Variants in SYNE2 observed in about 807,000 individuals in gnomAD.
SYNE2 encodes the protein spectrin repeat containing nuclear envelope protein 2.
SYNE2 carries 431 observed loss-of-function variants against 856.3 expected under a neutral mutation model. That is an observed-to-expected ratio of 0.50 (90% CI 0.47 to 0.55). The LOEUF (loss-of-function observed/expected upper bound fraction) is 0.55. Among genes scored for constraint, SYNE2 ranks in the 20% least tolerant of loss-of-function variants. The pLI is 0.00. For synonymous variants in SYNE2, 2,923 were observed against 2,872.3 expected, an observed-to-expected ratio of 1.02 and a Z score of -0.56; for missense variants, 8,129 against 8,023.2, an observed-to-expected ratio of 1.01 and a Z score of -0.50.
chr14:63,800,137 T>C (rs891802833), intron 1 of SYNE2, among the ~76,000 whole-genome samples: 13 of 152,230 alleles, frequency 8.5e-5, no homozygotes, highest in African/African-American at 3.1e-4. Flanking sequence ...CTGTGACCTG[T>C]GTTATGTTTC....
At chr14:64,170,516 G>C in intron 94 of SYNE2, 54 bp downstream of exon 94, 1 of 1,506,566 alleles carries the variant, frequency 6.6e-7, no homozygotes, top group Middle Eastern at 1.7e-4. Flanking sequence ...TTGTTTGCAA[G>C]ATGTTCATTC....
Position 64,098,132 on chromosome 14 carries a change from G to A in SYNE2, c.12292G>A (p.Ala4098Thr), listed in dbSNP as rs2097692294. 6.2e-7 allele frequency: 1 copy of A among 1,614,050 alleles called. No homozygotes were observed. ...GGAAGGTGGAGTGGCAGAGAGGGAT[G>A]CTTCTGAGCGGAAGGTGGGTATGAC... is the stretch of plus-strand genomic sequence containing the variant. Reference protein sequence around the residue: ...SEEGGVAERDASERKLNRRGS... With the variant: ...SEEGGVAERDTSERKLNRRGS... The change falls in exon 62 of 116, where the codon GCT becomes ACT. Residue 4098 changes from alanine (A) to threonine (T), a missense_variant. By Grantham distance (58) the Ala-to-Thr change is moderately conservative. Coordinates refer to ENST00000555002, the MANE Select transcript of SYNE2 (RefSeq NM_182914.3).
chr14:64,135,458 G>C (rs2098079734), intron 78 of SYNE2, among the ~76,000 whole-genome samples: 1 of 149,898 alleles, frequency 6.7e-6, no homozygotes, highest in African/African-American at 2.4e-5. Context: ...ATTATATTGA[G>C]CCTAACTCTA....
chr14:64,157,692 C>T (rs947026038), intron 85 of SYNE2, among the ~76,000 whole-genome samples: 1 of 152,196 alleles, frequency 6.6e-6, no homozygotes, highest in African/African-American at 2.4e-5. Context: ...TTTTACATTC[C>T]CACCAGCAAT....
intron 57 of SYNE2, among the ~76,000 whole-genome samples, chr14:64,082,714 G>A (rs549872825): frequency 6.6e-6 from 1 of 152,318 alleles, no homozygotes; most frequent in Non-Finnish European, 1.5e-5. Context: ...CTTACCCTTG[G>A]ACACTGTGAG....
chr14:64,221,753 C>G, intron 112 of SYNE2, 49 bp downstream of exon 112: 1 of 1,603,774 alleles, frequency 6.2e-7, no homozygotes, highest in South Asian at 1.1e-5. Flanking sequence ...TCTGTCAGCC[C>G]CAGAGAGGCA....
intron 94 of SYNE2, among the ~76,000 whole-genome samples, chr14:64,172,022 T>C (rs908257378): frequency 6.6e-6 from 1 of 152,246 alleles, no homozygotes; most frequent in Admixed American, 6.5e-5. Flanking sequence ...AGCTAATTTT[T>C]GTGTTTTTAG....
intron 53 of SYNE2, chr14:64,075,689 G>T: frequency 2.3e-6 from 1 of 444,148 alleles, no homozygotes; most frequent in Admixed American, 3.6e-5. Flanking sequence ...AGAAGCAGGG[G>T]GTGTTGTAAT....
chr14:64,007,101 C>T lies in SYNE2; in HGVS notation c.4456C>T (p.His1486Tyr). The T allele has an allele frequency of 6.2e-7, 1 of 1,613,606 alleles. No homozygotes were observed. The highest frequency in any genetic ancestry group is 8.5e-7 in the Non-Finnish European group (1 of 1,179,610). Reference sequence around the variant, plus strand: ...AGATGAATATGAAGAAGAGAAGAGACATTTACAAGAAATGGCTAATTCTCT... The same window carrying T: ...AGATGAATATGAAGAAGAGAAGAGATATTTACAAGAAATGGCTAATTCTCT... ...VLDEYEEEKRHLQEMANSLPH... is the reference protein window; with the variant it reads ...VLDEYEEEKRYLQEMANSLPH... The change falls in exon 31 of 116, where the codon CAT (histidine) becomes TAT (tyrosine). Residue 1486 changes from histidine (H) to tyrosine (Y), a missense_variant. Physicochemically the swap from His to Tyr is moderately conservative, Grantham distance 83 (BLOSUM62 2). Coordinates refer to ENST00000555002, the MANE Select transcript of SYNE2 (RefSeq NM_182914.3).
At chr14:63,948,806 A>ATG (rs1566885132) in intron 6 of SYNE2, among the ~76,000 whole-genome samples, 32 of 102,766 alleles carry the variant, frequency 3.1e-4, no homozygotes, top group South Asian at 1.4e-3. Flanking sequence ...ATATATATAT[A>ATG]TATATATATA....
chr14:64,132,399 G>C lies in SYNE2; in HGVS notation c.14475G>C (p.Lys4825Asn). The C allele has an allele frequency of 6.2e-7, 1 of 1,614,160 alleles. No individual in the cohort carries two copies. Among genetic ancestry groups the C allele is most frequent in the Non-Finnish European group, 8.5e-7 (1 of 1,180,024 alleles). ...QVTEVKILEE[K>N]SRQCGMKLQS... ...CAGAAGTTAAAATACTAGAAGAAAA[G>C]TCACGCCAATGTGGTATGAAGCTGC... The change falls in exon 77 of 116, where the codon AAG (lysine) becomes AAC (asparagine). Residue 4825 changes from lysine to asparagine, a missense_variant. This residue lies in a region of SYNE2 where 5,410 missense variants were observed against 5,284.8 expected (regional missense o/e 1.02). Transcript: ENST00000555002.
chr14:64,170,545 T>TTGA (rs1273121805), intron 94 of SYNE2, 83 bp downstream of exon 94: 4 of 1,371,816 alleles, frequency 2.9e-6, no homozygotes, highest in Non-Finnish European at 4.1e-6. Context: ...TTTAATGTTT[T>TTGA]TGATGATGAT....
chr14:64,199,680 T>A (rs1277766168), intron 99 of SYNE2, among the ~76,000 whole-genome samples: 1 of 136,138 alleles, frequency 7.3e-6, no homozygotes, highest in Non-Finnish European at 1.5e-5. Context: ...GTCGCAGCAC[T>A]GCACTCCAGC....
chr14:63,928,238 G>A (rs1361214868), intron 2 of SYNE2, among the ~76,000 whole-genome samples: 1 of 152,172 alleles, frequency 6.6e-6, no homozygotes, highest in African/African-American at 2.4e-5. Context: ...CTGGACTGGG[G>A]AGAGATAGGG....
intron 2 of SYNE2, among the ~76,000 whole-genome samples, chr14:63,936,679 A>C (rs1028580965): frequency 3.3e-5 from 5 of 152,218 alleles, no homozygotes; most frequent in African/African-American, 1.2e-4. Flanking sequence ...TGTAGCCATC[A>C]TGAGGAGTGA....
intron 63 of SYNE2, among the ~76,000 whole-genome samples, chr14:64,100,531 AATATATATATATATATATATATATAT>A (rs1204839640): frequency 7.6e-5 from 3 of 39,484 alleles, no homozygotes; most frequent in South Asian, 1.1e-3. Flanking sequence ...AAAAAAAAAA[AATATATATATATATATATATATATAT>A]ATATATATAT....
intron 12 of SYNE2, among the ~76,000 whole-genome samples, chr14:63,977,151 T>C (rs768519434): frequency 2.0e-5 from 3 of 152,158 alleles, no homozygotes; most frequent in Non-Finnish European, 2.9e-5. Flanking sequence ...ATTGTAATAA[T>C]GGTTTTACTA....
intron 99 of SYNE2, chr14:64,202,184 T>G (rs1488825991): frequency 1.4e-6 from 1 of 702,316 alleles, no homozygotes; most frequent in South Asian, 1.5e-5. Flanking sequence ...CCCTCCCTTT[T>G]AGACGGACAG....
intron 1 of SYNE2, among the ~76,000 whole-genome samples, chr14:63,905,325 G>GT (rs111768623): frequency 2.0e-5 from 3 of 152,008 alleles, no homozygotes; most frequent in Non-Finnish European, 2.9e-5. Context: ...TTTTAGAGTT[G>GT]TTTTTTCTAA....
Sources: allele counts gnomAD v4.1 joint callset (sites outside exome capture counted in the v4.1 genomes callset), GRCh38; gene constraint gnomAD v4.1.1; regional missense constraint gnomAD v4.1.1; transcripts MANE v1.5; gene names NCBI Gene and HGNC (gene_info 2026-07-23, HGNC 2026-07-21).